Variants in RNLS observed in about 807,000 individuals in gnomAD.
The protein encoded by RNLS is renalase, FAD dependent amine oxidase.
In RNLS, 39 loss-of-function variants were observed where a neutral mutation model predicts 39.8. The observed-to-expected ratio is 0.98, with a 90% confidence interval of 0.76 to 1.28. The LOEUF is 1.28. RNLS is among the 50% of genes most tolerant of loss of function. The pLI is 0.00. For missense variants in RNLS, 410 were observed against 413.3 expected (o/e 0.99, Z 0.07); for synonymous variants, 147 against 150.7 (o/e 0.98, Z 0.18).
At chr10:88,451,566 A>T (rs575970567) in intron 4 of RNLS, among the ~76,000 whole-genome samples, 264 of 152,324 alleles carry the variant, frequency 1.7e-3, no homozygotes, top group Middle Eastern at 0.01. Flanking sequence ...TCTTCTGGGT[A>T]ATATGCAATG....
chr10:88,243,600 C>T, the RNLS span, among the ~76,000 whole-genome samples: 1 of 152,212 alleles, frequency 6.6e-6, no homozygotes, highest in Non-Finnish European at 1.5e-5. Context: ...TTTTAATTCA[C>T]AAGAAAAATC....
intron 4 of RNLS, among the ~76,000 whole-genome samples, chr10:88,514,355 C>T (rs1490844724): frequency 2.0e-5 from 3 of 152,168 alleles, no homozygotes; most frequent in Admixed American, 6.6e-5. Context: ...CACCTCCTAC[C>T]AGGTCCCTCC....
the RNLS span, among the ~76,000 whole-genome samples, chr10:88,189,634 C>T: frequency 1.3e-5 from 2 of 152,246 alleles, no homozygotes; most frequent in South Asian, 2.1e-4. Flanking sequence ...TACTTGGTGC[C>T]TTGCACTGTG....
At chr10:88,575,216 AT>A (rs1564915199) in intron 3 of RNLS, among the ~76,000 whole-genome samples, 1 of 13,760 alleles carries the variant, frequency 7.3e-5, no homozygotes, top group African/African-American at 2.1e-4. Context: ...ATGTGTGTGT[AT>A]ATATATATAT....
chr10:88,411,239 T>C (rs1853635764), intron 4 of RNLS, among the ~76,000 whole-genome samples: 1 of 152,148 alleles, frequency 6.6e-6, no homozygotes, highest in Non-Finnish European at 1.5e-5. Flanking sequence ...AACAAAACCT[T>C]AGTGGAGACC....
At chr10:88,185,114 G>T in the RNLS span, among the ~76,000 whole-genome samples, 3 of 152,156 alleles carry the variant, frequency 2.0e-5, no homozygotes, top group Non-Finnish European at 4.4e-5. Context: ...AAGGCAGATT[G>T]TTAATAATCT....
intron 4 of RNLS, among the ~76,000 whole-genome samples, chr10:88,449,586 T>G (rs913293298): frequency 2.6e-5 from 4 of 152,236 alleles, no homozygotes; most frequent in African/African-American, 9.6e-5. Context: ...TTTGTCTTTT[T>G]GTCAACAGCT....
At chr10:88,518,424 G>A (rs1846526989) in intron 4 of RNLS, among the ~76,000 whole-genome samples, 1 of 151,786 alleles carries the variant, frequency 6.6e-6, no homozygotes, top group Non-Finnish European at 1.5e-5. Context: ...AAAGAAGAAG[G>A]CTAAAATACA....
At chr10:88,384,203 T>A (rs903708931) in intron 4 of RNLS, among the ~76,000 whole-genome samples, 1 of 152,318 alleles carries the variant, frequency 6.6e-6, no homozygotes, top group South Asian at 2.1e-4. Context: ...TATTCTCTTA[T>A]GTCCTTTATT....
chr10:88,389,808 C>A (rs1328660027), intron 4 of RNLS, among the ~76,000 whole-genome samples: 1 of 152,144 alleles, frequency 6.6e-6, no homozygotes, highest in African/African-American at 2.4e-5. Context: ...AGAATATTTA[C>A]AGATTCAGGG....
chr10:88,356,047 C>T (rs866364687), intron 5 of RNLS, among the ~76,000 whole-genome samples: 33 of 152,262 alleles, frequency 2.2e-4, no homozygotes, highest in Middle Eastern at 3.4e-3. Context: ...CCTGGTGTGC[C>T]GTTTGCTAAG....
chr10:88,442,779 C>G (rs1216938340), intron 4 of RNLS, among the ~76,000 whole-genome samples: 1 of 152,166 alleles, frequency 6.6e-6, no homozygotes, highest in African/African-American at 2.4e-5. Flanking sequence ...GATTGATCAT[C>G]TTGCCCACAC....
chr10:88,280,735 G>T (rs1003407165), downstream of RNLS, among the ~76,000 whole-genome samples: 30 of 152,134 alleles, frequency 2.0e-4, no homozygotes, highest in African/African-American at 6.8e-4. Context: ...TGGTCAGCAG[G>T]CATTAAATGG....
At chr10:88,503,563 A>G (rs985653703) in intron 4 of RNLS, among the ~76,000 whole-genome samples, 3 of 152,166 alleles carry the variant, frequency 2.0e-5, no homozygotes, top group South Asian at 2.1e-4. Context: ...TTGCAATTCA[A>G]TGGATGTGTA....
chr10:88,551,302 A>G (rs568402541), intron 4 of RNLS, among the ~76,000 whole-genome samples: 6 of 152,298 alleles, frequency 3.9e-5, no homozygotes, highest in Non-Finnish European at 7.4e-5. Flanking sequence ...TTTTATCTAA[A>G]ATTTTTTAAT....
At chr10:88,369,292 C>T (rs777956858) in intron 4 of RNLS, among the ~76,000 whole-genome samples, 7 of 152,110 alleles carry the variant, frequency 4.6e-5, no homozygotes, top group Non-Finnish European at 8.8e-5. Context: ...CATTCCTTGC[C>T]CTTCTCTGCT....
intron 4 of RNLS, among the ~76,000 whole-genome samples, chr10:88,487,449 A>T (rs1043003882): frequency 6.6e-6 from 1 of 152,218 alleles, no homozygotes; most frequent in Non-Finnish European, 1.5e-5. Flanking sequence ...TGAAGAAGAC[A>T]TATAGATGGT....
At position 88,406,357 on chromosome 10, in the gene RNLS, G is replaced by C. The variant is rs150459967; in HGVS notation, c.527-43632C>G. On this transcript the variant is annotated intron_variant, in intron 4 of 6. Transcript: ENST00000331772. ...AATTCTCTTCTTCCTCAGGAACATT[G>C]ATTATTCTTAGATTTGGTTGTTTAA... Among the ~76,000 whole-genome samples, 7 of 152,108 alleles carry C rather than the reference G, an allele frequency of 4.6e-5. No homozygotes were observed. In the East Asian group the frequency reaches 1.4e-3, roughly 29 times the overall value.
At chr10:88,300,370 C>T (rs1444309662) in intron 6 of RNLS, among the ~76,000 whole-genome samples, 2 of 152,314 alleles carry the variant, frequency 1.3e-5, no homozygotes, top group East Asian at 3.9e-4. Flanking sequence ...CTACAATACA[C>T]GATGGCAAAG....
Sources: allele counts gnomAD v4.1 joint callset (sites outside exome capture counted in the v4.1 genomes callset), GRCh38; gene constraint gnomAD v4.1.1; transcripts MANE v1.5; gene names NCBI Gene and HGNC (gene_info 2026-07-23, HGNC 2026-07-21).